The following CCDC30 variants were observed in gnomAD, a reference collection of about 807,000 sequenced individuals.
CCDC30 encodes coiled-coil domain containing 30.
A neutral mutation model predicts 100.2 loss-of-function variants in CCDC30; 70 were observed. The ratio of observed to expected loss-of-function variants is 0.70; its 90% confidence interval spans 0.58 to 0.85. The LOEUF (loss-of-function observed/expected upper bound fraction) is 0.85. Ranked by LOEUF, CCDC30 falls within the 40% of genes least tolerant of loss-of-function variation. The probability of loss-of-function intolerance (pLI) is 0.00; values close to 1 mark genes in which losing one functional copy is unlikely to be tolerated. For synonymous variants in CCDC30, 233 were observed against 269.5 expected (o/e 0.86, Z 1.33); for missense variants, 652 against 771.2 (o/e 0.85, Z 1.83).
intron 3 of CCDC30, among the ~76,000 whole-genome samples, chr1:42,486,701 C>T (rs903575518): frequency 2.0e-5 from 3 of 152,140 alleles, no homozygotes; most frequent in African/African-American, 7.2e-5. Flanking sequence ...TTGCTTTATC[C>T]TTTTGCTGTA....
chr1:42,577,164 T>A lies in CCDC30; in HGVS notation c.781T>A (p.Ser261Thr), dbSNP rs766632929. The A allele has an allele frequency of 2.5e-6, 4 of 1,613,980 alleles. No homozygotes were observed. The African/African-American group carries it at 4.0e-5, about 16-fold the overall frequency. Reference sequence around the variant, plus strand: ...ACTTAAACACACTCAGAGCATTAAATCACAGAACAACCTACAGGAAAAGCT... The same window carrying A: ...ACTTAAACACACTCAGAGCATTAAAACACAGAACAACCTACAGGAAAAGCT... Residue 261 changes from serine to threonine, a missense_variant, in exon 8 of 17, where the codon TCA becomes ACA. Coordinates refer to ENST00000668663, the Ensembl canonical transcript of CCDC30.
At chr1:42,500,347 G>A (rs1033985844) in intron 6 of CCDC30, 15 of 1,591,666 alleles carry the variant, frequency 9.4e-6, no homozygotes, top group East Asian at 8.9e-5. Context: ...CATAGTTGCC[G>A]AGGAAAAGCG....
intron 11 of CCDC30, among the ~76,000 whole-genome samples, chr1:42,629,654 C>T (rs1325750449): frequency 6.6e-5 from 10 of 150,692 alleles, no homozygotes; most frequent in African/African-American, 2.4e-4. Flanking sequence ...TTTTTTGAGA[C>T]GGAGTCTCAC....
chr1:42,589,363 G>T, exon 10 of CCDC30: 1 of 1,613,350 alleles, frequency 6.2e-7, no homozygotes, highest in Non-Finnish European at 8.5e-7. Flanking sequence ...ACAGGCAAGT[G>T]AGAACCTTAC....
chr1:42,456,587 GCCGAGTT>G, the CCDC30 span: 1 of 1,498,164 alleles, frequency 6.7e-7, no homozygotes. Context: ...GGATCCGGTA[GCCGAGTT>G]CCCCCAGCCT....
At chr1:42,548,355 T>C (rs979175015) in intron 6 of CCDC30, among the ~76,000 whole-genome samples, 2 of 152,178 alleles carry the variant, frequency 1.3e-5, no homozygotes, top group African/African-American at 2.4e-5. Flanking sequence ...AGAAGACAGT[T>C]GGATTTATCC....
At chr1:42,494,833 A>C in intron 4 of CCDC30, among the ~76,000 whole-genome samples, 1 of 98,402 alleles carries the variant, frequency 1.0e-5, no homozygotes, top group African/African-American at 3.9e-5. Context: ...TTAGAATGGC[A>C]ATCATTAAAA....
At chr1:42,637,676 A>C (rs550840626) in intron 12 of CCDC30, among the ~76,000 whole-genome samples, 76 of 152,308 alleles carry the variant, frequency 5.0e-4, no homozygotes, top group African/African-American at 1.8e-3. Flanking sequence ...CAGACTTCCA[A>C]ACCACTCTCA....
intron 6 of CCDC30, among the ~76,000 whole-genome samples, chr1:42,547,324 T>C (rs1197107709): frequency 1.3e-5 from 2 of 152,144 alleles, no homozygotes; most frequent in Admixed American, 6.5e-5. Context: ...TTAGATAAAA[T>C]GGAGATGGAA....
chr1:42,551,770 T>TGC (rs1243236455), intron 6 of CCDC30, among the ~76,000 whole-genome samples: 2 of 151,642 alleles, frequency 1.3e-5, no homozygotes, highest in Non-Finnish European at 2.9e-5. Flanking sequence ...TGTGTGTGTG[T>TGC]GTGTGACTGG....
chr1:42,580,638 G>A (rs1443865390), intron 8 of CCDC30, among the ~76,000 whole-genome samples: 1 of 151,962 alleles, frequency 6.6e-6, no homozygotes, highest in Admixed American at 6.6e-5. Flanking sequence ...GCTGCTACAT[G>A]AAAAAGGCAA....
chr1:42,457,086 G>T, the CCDC30 span: 2 of 1,584,068 alleles, frequency 1.3e-6, no homozygotes, highest in Non-Finnish European at 8.6e-7. Flanking sequence ...GCGTGCCCTA[G>T]GAGTACCCCT....
chr1:42,579,634 C>T (rs1645918821), intron 8 of CCDC30, among the ~76,000 whole-genome samples: 1 of 150,202 alleles, frequency 6.7e-6, no homozygotes, highest in Non-Finnish European at 1.5e-5. Flanking sequence ...AACTCTGTCT[C>T]AAAAAGAGAG....
chr1:42,463,213 G>T (rs547131302), upstream of CCDC30: 1 of 152,354 alleles, frequency 6.6e-6, no homozygotes, highest in South Asian at 2.1e-4. Context: ...ACAGTCTCTG[G>T]TTCCACTGGC....
chr1:42,589,065 T>C (rs1314968372), intron 9 of CCDC30, among the ~76,000 whole-genome samples: 2 of 152,190 alleles, frequency 1.3e-5, no homozygotes, highest in Non-Finnish European at 2.9e-5. Context: ...CTGTTCTCTC[T>C]ACCACAACTT....
chr1:42,460,540 C>T (rs943874384), upstream of CCDC30: 4 of 219,882 alleles, frequency 1.8e-5, no homozygotes, highest in Non-Finnish European at 3.1e-5. Flanking sequence ...GTAGATTCAC[C>T]TCATGTTTGG....
intron 6 of CCDC30, among the ~76,000 whole-genome samples, chr1:42,515,641 A>G (rs985889272): frequency 1.3e-5 from 2 of 152,218 alleles, no homozygotes; most frequent in African/African-American, 4.8e-5. Flanking sequence ...AACTCTGATA[A>G]ATAAACTTCT....
intron 9 of CCDC30, among the ~76,000 whole-genome samples, chr1:42,587,089 C>T (rs189773021): frequency 6.6e-6 from 1 of 152,238 alleles, no homozygotes; most frequent in African/African-American, 2.4e-5. Context: ...CCTTGACCTC[C>T]CAGGCTCAAG....
chr1:42,502,686 AT>A (rs1191514100), intron 6 of CCDC30, among the ~76,000 whole-genome samples: 1 of 151,870 alleles, frequency 6.6e-6, no homozygotes, highest in African/African-American at 2.4e-5. Context: ...TCCATTTCTT[AT>A]TTTTCTACCT....
Sources: allele counts gnomAD v4.1 joint callset (sites outside exome capture counted in the v4.1 genomes callset), GRCh38; gene constraint gnomAD v4.1.1; transcripts MANE v1.5; gene names NCBI Gene and HGNC (gene_info 2026-07-23, HGNC 2026-07-21).